The following MAP2 variants were observed in gnomAD, a reference collection of about 807,000 sequenced individuals.
The protein encoded by MAP2 is microtubule associated protein 2, also known as microtubule-associated protein 2.
A neutral mutation model predicts 137.6 loss-of-function variants in MAP2; 14 were observed. The ratio of observed to expected loss-of-function variants is 0.10; its 90% confidence interval spans 0.07 to 0.16. The LOEUF (loss-of-function observed/expected upper bound fraction) is 0.16, where lower values mean the gene tolerates loss of function less well. MAP2 is among the 10% of genes least tolerant of loss of function. The pLI is 1.00. For synonymous variants in MAP2, 786 were observed against 782.3 expected (o/e 1.00, Z -0.08); for missense variants, 2,088 against 2,191.5 (o/e 0.95, Z 0.94).
chr2:209,430,689 A>T (rs1268629138), intron 1 of MAP2, among the ~76,000 whole-genome samples: 1 of 152,158 alleles, frequency 6.6e-6, no homozygotes, highest in Non-Finnish European at 1.5e-5. Flanking sequence ...AAAATGTCCT[A>T]AGTTGGAATA....
intron 2 of MAP2, among the ~76,000 whole-genome samples, chr2:209,577,751 T>C (rs1046763610): frequency 6.6e-6 from 1 of 152,136 alleles, no homozygotes; most frequent in Non-Finnish European, 1.5e-5. Flanking sequence ...GCAGAAATAA[T>C]GAGGCCAGTA....
intron 2 of MAP2, among the ~76,000 whole-genome samples, chr2:209,529,881 TC>T (rs2064825219): frequency 6.6e-6 from 1 of 151,622 alleles, no homozygotes; most frequent in East Asian, 2.0e-4. Flanking sequence ...TTCTTTCTTT[TC>T]TTTCTTCTTC....
rs200951925 is a variant in MAP2, at chr2:209,524,839, AT to A, written c.-172+17207del. Among the ~76,000 whole-genome samples the A allele has an allele frequency of 2.7e-5, 4 of 150,876 alleles. No homozygotes were observed. In the South Asian group the frequency reaches 6.3e-4, roughly 24 times the overall value. On this transcript the variant is annotated intron_variant, in intron 2 of 15. Transcript: ENST00000682079. Reference sequence around the variant, plus strand: ...AAGGGTGTGAAAAAAGTTAATATCAATTTTTTTTTCAATTCATTACCTGTTG... The same window carrying A: ...AAGGGTGTGAAAAAAGTTAATATCAATTTTTTTTCAATTCATTACCTGTTG...
chr2:209,607,219 T>C (rs746265111), intron 3 of MAP2, among the ~76,000 whole-genome samples: 14 of 152,166 alleles, frequency 9.2e-5, no homozygotes, highest in Non-Finnish European at 2.1e-4. Context: ...TGAAGGTGTT[T>C]TGAATATTTA....
At chr2:209,459,662 G>A (rs537740472) in intron 1 of MAP2, among the ~76,000 whole-genome samples, 20 of 152,220 alleles carry the variant, frequency 1.3e-4, no homozygotes, top group African/African-American at 4.1e-4. Context: ...TTACATCTGA[G>A]GTGCTTTTCT....
chr2:209,578,376 C>G (rs1027326374), intron 2 of MAP2, among the ~76,000 whole-genome samples: 9 of 148,126 alleles, frequency 6.1e-5, no homozygotes, highest in Non-Finnish European at 1.3e-4. Context: ...TATCTTAATT[C>G]AAAATACAGT....
intron 3 of MAP2, among the ~76,000 whole-genome samples, chr2:209,596,099 T>G (rs535776632): frequency 6.6e-6 from 1 of 151,940 alleles, no homozygotes; most frequent in Non-Finnish European, 1.5e-5. Context: ...GAACTTAAAG[T>G]ATAATTTTAA....
chr2:209,567,206 A>G (rs2153365229), intron 2 of MAP2, among the ~76,000 whole-genome samples: 1 of 152,250 alleles, frequency 6.6e-6, no homozygotes, highest in African/African-American at 2.4e-5. Flanking sequence ...ACACAAATTA[A>G]CATTATTCAT....
chr2:209,457,798 TAGTGTA>T (rs1701891328), intron 1 of MAP2, among the ~76,000 whole-genome samples: 1 of 152,122 alleles, frequency 6.6e-6, no homozygotes, highest in African/African-American at 2.4e-5. Context: ...TGTGTCCTAT[TAGTGTA>T]GATACCTGAG....
intron 10 of MAP2, among the ~76,000 whole-genome samples, chr2:209,699,883 A>G (rs868284613): frequency 2.4e-4 from 37 of 152,234 alleles, no homozygotes; most frequent in South Asian, 2.1e-4. Flanking sequence ...ACCCTCTTCT[A>G]TATATCATGT....
intron 13 of MAP2, among the ~76,000 whole-genome samples, chr2:209,725,173 T>C (rs964222086): frequency 6.6e-6 from 1 of 152,190 alleles, no homozygotes; most frequent in Admixed American, 6.6e-5. Flanking sequence ...GAAAAAAACC[T>C]GTTACTATCA....
chr2:209,579,037 A>T (rs1285997795), intron 2 of MAP2, among the ~76,000 whole-genome samples: 1 of 152,056 alleles, frequency 6.6e-6, no homozygotes, highest in African/African-American at 2.4e-5. Context: ...AAATATATGC[A>T]TTTCTTTAAT....
intron 2 of MAP2, among the ~76,000 whole-genome samples, chr2:209,562,215 CAT>C (rs1359869743): frequency 1.6e-4 from 24 of 152,104 alleles, no homozygotes; most frequent in Admixed American, 1.4e-3. Context: ...AACATGAACA[CAT>C]ATGTGATTCT....
chr2:209,457,094 C>T (rs905918645), intron 1 of MAP2, among the ~76,000 whole-genome samples: 10 of 152,174 alleles, frequency 6.6e-5, no homozygotes, highest in African/African-American at 2.4e-4. Flanking sequence ...TAGTGTTTTA[C>T]TGTATAAAAT....
intron 5 of MAP2, among the ~76,000 whole-genome samples, chr2:209,671,062 C>T (rs1268000456): frequency 6.6e-6 from 1 of 151,840 alleles, no homozygotes; most frequent in East Asian, 1.9e-4. Context: ...ACTAACTTCG[C>T]CTCAAATGCA....
intron 4 of MAP2, among the ~76,000 whole-genome samples, chr2:209,651,052 T>C (rs1033261781): frequency 1.3e-5 from 2 of 152,168 alleles, no homozygotes; most frequent in Admixed American, 6.5e-5. Flanking sequence ...AAGTTCACAA[T>C]TGGAATCTAG....
intron 2 of MAP2, among the ~76,000 whole-genome samples, chr2:209,514,096 A>C (rs574235984): frequency 2.0e-5 from 3 of 152,260 alleles, no homozygotes; most frequent in Non-Finnish European, 2.9e-5. Context: ...TAAACAAATA[A>C]TTGGCCATTC....
In MAP2 at chr2:209,557,826, G is replaced by A. The variant is rs2071038777; in HGVS notation, c.-171-22210G>A. Among the ~76,000 whole-genome samples, 4 of 152,154 alleles carry A rather than the reference G, an allele frequency of 2.6e-5. No homozygotes were observed. In the South Asian group the frequency reaches 8.3e-4, roughly 32 times the overall value. ...AAAAAGCACAGGATGTGCACTGAGG[G>A]AGTTAGAATTCGGCTTATCCTCCTC... On this transcript the variant is annotated intron_variant, in intron 2 of 15. Coordinates refer to ENST00000682079, the MANE Select transcript of MAP2 (RefSeq NM_001375505.1).
chr2:209,730,079 G>T, intron 15 of MAP2, 103 bp from the exon 16 acceptor site: 2 of 1,146,342 alleles, frequency 1.7e-6, no homozygotes, highest in Admixed American at 3.8e-5. Flanking sequence ...GGGGATAACA[G>T]AGGTGAATAG....
Sources: allele counts gnomAD v4.1 joint callset (sites outside exome capture counted in the v4.1 genomes callset), GRCh38; gene constraint gnomAD v4.1.1; transcripts MANE v1.5; gene names NCBI Gene and HGNC (gene_info 2026-07-23, HGNC 2026-07-21).